PIEZO2: variants seen among roughly 807,000 people sequenced by gnomAD.
PIEZO2 encodes piezo type mechanosensitive ion channel component 2.
A neutral mutation model predicts 337.3 loss-of-function variants in PIEZO2; 172 were observed. That is an observed-to-expected ratio of 0.51 (90% confidence interval 0.45 to 0.58). The LOEUF (loss-of-function observed/expected upper bound fraction) is 0.58, where lower values mean the gene tolerates loss of function less well. Ranked by LOEUF, PIEZO2 falls within the 20% of genes least tolerant of loss-of-function variation. The pLI is 0.00. For synonymous variants in PIEZO2, 1,251 were observed against 1,228.5 expected (o/e 1.02, Z -0.38); for missense variants, 3,028 against 3,391.3 (o/e 0.89, Z 2.66).
At chr18:10,679,384 A>G (rs1348992840) in intron 52 of PIEZO2, among the ~76,000 whole-genome samples, 1 of 152,208 alleles carries the variant, frequency 6.6e-6, no homozygotes, top group East Asian at 1.9e-4. Context: ...GCCTCTCTTT[A>G]AAAACAACTT....
At chr18:10,860,384 G>A (rs145986529) in intron 5 of PIEZO2, among the ~76,000 whole-genome samples, 31 of 152,212 alleles carry the variant, frequency 2.0e-4, no homozygotes, top group African/African-American at 7.2e-4. Flanking sequence ...TTGCCTCTTT[G>A]CTGTGGGACA....
Position 10,672,803 on chromosome 18 carries a change from C to A in PIEZO2, c.8232G>T (p.Trp2744Cys). 3 of 1,613,166 alleles carry A rather than the reference C, an allele frequency of 1.9e-6. No homozygotes were observed. The highest frequency in any genetic ancestry group is 2.5e-6 in the Non-Finnish European group (3 of 1,179,196). The stretch of plus-strand genomic sequence containing the variant: ...TTCTGTTTCCAGTCAGGTTGAGAAC[C>A]CACCACTCACTGTTATATTTAGTTG... ...DNTTKYNSEWWVLNLTGNRIY... is the reference protein window; with the variant it reads ...DNTTKYNSEWCVLNLTGNRIY... Residue 2744 changes from tryptophan to cysteine, a missense_variant, in exon 55 of 56, where the codon TGG (tryptophan) becomes TGT (cysteine). Trp to Cys is a radical substitution (Grantham distance 215). Transcript: ENST00000674853. The surrounding 1 kb of genome is among the most constrained non-coding windows in gnomAD (Gnocchi z 4.7).
chr18:11,099,849 A>G lies in PIEZO2; in HGVS notation c.65-33627T>C, dbSNP rs1029221552. On this transcript the variant is annotated intron_variant, in intron 1 of 55. Transcript: ENST00000674853. The surrounding 1 kb of genome is among the most constrained non-coding windows in gnomAD (Gnocchi z 5.4). ...CTTTTGTAAGTTGCTGATGAATACTATTTTCTAGTTTTCCTATAGGTTATT... is the reference window on the plus strand; with the variant it reads ...CTTTTGTAAGTTGCTGATGAATACTGTTTTCTAGTTTTCCTATAGGTTATT... Among the ~76,000 whole-genome samples the G allele has an allele frequency of 3.9e-5, 6 of 152,048 alleles. No individual in the cohort carries two copies. Among genetic ancestry groups the G allele is most frequent in the Middle Eastern group, 3.2e-3 (1 of 316 alleles).
In PIEZO2 at chr18:10,682,118, G is replaced by A; in HGVS notation, c.7672C>T (p.Leu2558=). Residue 2558 remains leucine, a synonymous_variant, in exon 50 of 56, where the codon CTG becomes TTG. Transcript: ENST00000674853. This position sits in a 1 kb window ranked among gnomAD's most constrained non-coding sequence, Gnocchi z 5.6. ...ACAGAGATCACCTGATACCCTCCCA[G>A]GGTAATTGTGACGGAGACGTCCAGG... ...QPLDVSVTIT[L]GGYQPIFTMS... is the part of the protein sequence containing the mutation. 2.6e-6 allele frequency: 4 copies of A among 1,536,610 alleles called. No individual in the cohort carries two copies. The highest frequency in any genetic ancestry group is 2.6e-6 in the Non-Finnish European group (3 of 1,146,606).
At chr18:10,882,515 A>T (rs945492976) in intron 4 of PIEZO2, among the ~76,000 whole-genome samples, 2 of 152,244 alleles carry the variant, frequency 1.3e-5, no homozygotes, top group Non-Finnish European at 2.9e-5. Flanking sequence ...ATACAATTAC[A>T]TTCAAACATA....
At position 11,106,387 on chromosome 18, in the gene PIEZO2, A is replaced by T. The variant is rs557421197; in HGVS notation, c.65-40165T>A. Among the ~76,000 whole-genome samples the T allele has an allele frequency of 1.2e-4, 18 of 148,638 alleles. No individual in the cohort carries two copies. The East Asian group carries it at 3.5e-3, about 29-fold the overall frequency. On this transcript the variant is annotated intron_variant, in intron 1 of 55. Transcript: ENST00000674853. ...TGCTGGGATTACAGGCGTGAGCCAC[A>T]GCACCCGGCCCATTTTTTTCTTTCC...
intron 3 of PIEZO2, among the ~76,000 whole-genome samples, chr18:10,977,700 A>C (rs2145477046): frequency 6.6e-6 from 1 of 152,358 alleles, no homozygotes; most frequent in African/African-American, 2.4e-5. Flanking sequence ...ATCAAACATT[A>C]AAATCGCATT....
rs73945717 is a variant in PIEZO2, at chr18:11,057,992, C to T, written c.160+8135G>A. ...ACTCAGATATTCTTTGTCCTGTTGA[C>T]GGCACTGAGAGCAAAACAGTGGATA... On this transcript the variant is annotated intron_variant, in intron 2 of 55. Coordinates refer to ENST00000674853, the MANE Select transcript of PIEZO2 (RefSeq NM_001378183.1). Among the ~76,000 whole-genome samples the T allele has an allele frequency of 8.7e-3, 1,329 of 152,248 alleles. 27 individuals carry two copies. Among genetic ancestry groups the T allele is most frequent in the African/African-American group, 0.031 (1,289 of 41,534 alleles).
intron 1 of PIEZO2, among the ~76,000 whole-genome samples, chr18:11,072,420 A>G (rs1162872087): frequency 6.6e-6 from 1 of 152,190 alleles, no homozygotes; most frequent in African/African-American, 2.4e-5. Context: ...AGATTTTTTA[A>G]TGTTAATCCA....
chr18:10,711,654 G>C (rs1372590560), intron 39 of PIEZO2, among the ~76,000 whole-genome samples: 1 of 152,152 alleles, frequency 6.6e-6, no homozygotes, highest in African/African-American at 2.4e-5. Context: ...AGCAAGAAGG[G>C]AGGTTAAAAA....
chr18:10,691,208 G>A lies in PIEZO2; in HGVS notation c.7349+17C>T, dbSNP rs573528906. On this transcript the variant is annotated intron_variant, in intron 48 of 55. Coordinates refer to ENST00000674853, the MANE Select transcript of PIEZO2 (RefSeq NM_001378183.1). ...TTCTTCCCCCATAAGTGACTGTGAC[G>A]TTGCAGAGCGTCCTACCCTTGGAAT... 23 of 1,609,296 alleles carry A rather than the reference G, an allele frequency of 1.4e-5. No homozygotes were observed. Among genetic ancestry groups the A allele is most frequent in the East Asian group, 4.5e-5 (2 of 44,644 alleles).
chr18:10,867,778 A>G (rs1324736263), intron 5 of PIEZO2, among the ~76,000 whole-genome samples: 2 of 152,200 alleles, frequency 1.3e-5, no homozygotes, highest in East Asian at 1.9e-4. Flanking sequence ...ACTCTTTTCT[A>G]CTCAATTTAA....
chr18:10,869,349 T>C (rs944839969), intron 5 of PIEZO2, among the ~76,000 whole-genome samples: 3 of 152,200 alleles, frequency 2.0e-5, no homozygotes, highest in Non-Finnish European at 2.9e-5. Flanking sequence ...TAATAATGCA[T>C]GCGGGGCTTG....
In PIEZO2 at chr18:10,772,764, G is replaced by A. The variant is rs980069766; in HGVS notation, c.2785+648C>T. ...TATTCTCTGTCAGATAACATGTCCTGATCACTGAGGCTGCTCAATGTTCAT... is the reference window on the plus strand; with the variant it reads ...TATTCTCTGTCAGATAACATGTCCTAATCACTGAGGCTGCTCAATGTTCAT... On this transcript the variant is annotated intron_variant, in intron 20 of 55. Coordinates refer to ENST00000674853, the MANE Select transcript of PIEZO2 (RefSeq NM_001378183.1). 2.6e-5 allele frequency among the ~76,000 whole-genome samples: 4 copies of A among 152,244 alleles called. No individual in the cohort carries two copies. In the South Asian group the frequency reaches 8.3e-4, roughly 32 times the overall value.
At chr18:11,061,548 T>G (rs2145898303) in intron 2 of PIEZO2, among the ~76,000 whole-genome samples, 1 of 152,316 alleles carries the variant, frequency 6.6e-6, no homozygotes, top group Non-Finnish European at 1.5e-5. Context: ...GATAGGCAAC[T>G]TCAGCAAAGT....
At chr18:10,996,409 T>C (rs1330129415) in intron 2 of PIEZO2, among the ~76,000 whole-genome samples, 2 of 152,222 alleles carry the variant, frequency 1.3e-5, no homozygotes, top group African/African-American at 4.8e-5. Flanking sequence ...TCAATGGCAT[T>C]TAGTCCATTC....
Position 10,736,822 on chromosome 18 carries a change from C to T in PIEZO2, c.4709-112G>A, listed in dbSNP as rs73389006. 44 of 1,206,492 alleles carry T rather than the reference C, an allele frequency of 3.6e-5. No homozygotes were observed. In the East Asian group the frequency reaches 4.6e-4, roughly 13 times the overall value. The allele number at this position is 1,206,492 out of a possible 1,614,324, so 74.7% of individuals were successfully genotyped here. A position where few individuals can be genotyped will look rare whatever the true frequency, so the allele number is the denominator to read the frequency against. Reference sequence around the variant, plus strand: ...CAAATTGTCCATAAGAGAACCACAACGAAAGATGTTGGCAGAGAGGAAAAC... The same window carrying T: ...CAAATTGTCCATAAGAGAACCACAATGAAAGATGTTGGCAGAGAGGAAAAC... On this transcript the variant is annotated intron_variant, in intron 33 of 55. Coordinates refer to ENST00000674853, the MANE Select transcript of PIEZO2 (RefSeq NM_001378183.1).
At chr18:10,690,117 C>T (rs2034741031) in intron 48 of PIEZO2, among the ~76,000 whole-genome samples, 1 of 152,112 alleles carries the variant, frequency 6.6e-6, no homozygotes, top group Admixed American at 6.5e-5. Flanking sequence ...TTACGAGACC[C>T]TTGGCCATGC....
rs144363517 is a variant in PIEZO2, at chr18:10,946,366, A to G, written c.286+33169T>C. Among the ~76,000 whole-genome samples the G allele has an allele frequency of 4.3e-3, 660 of 152,302 alleles. 4 individuals carry two copies. The highest frequency in any genetic ancestry group is 0.015 in the African/African-American group (605 of 41,560). Reference sequence around the variant, plus strand: ...AAATATATGTCAATTTGTAATTTTTATACCCTACAAACATATCTTTCAAAA... The same window carrying G: ...AAATATATGTCAATTTGTAATTTTTGTACCCTACAAACATATCTTTCAAAA... On this transcript the variant is annotated intron_variant, in intron 3 of 55. Transcript: ENST00000674853.
Sources: allele counts gnomAD v4.1 joint callset (sites outside exome capture counted in the v4.1 genomes callset), GRCh38; gene constraint gnomAD v4.1.1; non-coding constraint Gnocchi (gnomAD v3.1); transcripts MANE v1.5; gene names NCBI Gene and HGNC (gene_info 2026-07-23, HGNC 2026-07-21).